NR6A1: variants seen among roughly 807,000 people sequenced by gnomAD.
NR6A1 encodes nuclear receptor subfamily 6 group A member 1, also known as retinoic acid receptor-related testis-associated receptor.
A neutral mutation model predicts 59.1 loss-of-function variants in NR6A1; 7 were observed. The ratio of observed to expected loss-of-function variants is 0.12; its 90% CI spans 0.07 to 0.22. NR6A1 has a LOEUF of 0.22. Among genes scored for constraint, NR6A1 ranks in the 10% least tolerant of loss-of-function variants. The pLI is 1.00. For missense variants in NR6A1, 468 were observed against 611.6 expected (o/e 0.77, Z 2.48); for synonymous variants, 243 against 236.1 (o/e 1.03, Z -0.27).
chr9:124,534,859 A>G (rs904529366), intron 7 of NR6A1, among the ~76,000 whole-genome samples: 1 of 152,222 alleles, frequency 6.6e-6, no homozygotes, highest in Non-Finnish European at 1.5e-5. Flanking sequence ...GACCGGGCGC[A>G]GTGGCTCACG....
intron 2 of NR6A1, among the ~76,000 whole-genome samples, chr9:124,562,555 G>A (rs1160289936): frequency 3.9e-5 from 6 of 152,034 alleles, no homozygotes; most frequent in African/African-American, 9.6e-5. Flanking sequence ...CTCGCCTCCC[G>A]AGTAGCTGGG....
At chr9:124,593,339 G>GT (rs1213330797) in intron 2 of NR6A1, among the ~76,000 whole-genome samples, 1 of 151,996 alleles carries the variant, frequency 6.6e-6, no homozygotes, top group Admixed American at 6.6e-5. Flanking sequence ...CCAAATCTTA[G>GT]TTTTTTCATT....
intron 2 of NR6A1, among the ~76,000 whole-genome samples, chr9:124,713,997 T>G (rs1839351253): frequency 6.6e-6 from 1 of 152,166 alleles, no homozygotes; most frequent in African/African-American, 2.4e-5. Context: ...AACCCAAGTG[T>G]CCATCAATAG....
chr9:124,609,495 T>C (rs1294692357), intron 2 of NR6A1, among the ~76,000 whole-genome samples: 2 of 152,244 alleles, frequency 1.3e-5, no homozygotes, highest in Non-Finnish European at 2.9e-5. Context: ...AGTACCATGC[T>C]GTTTTGCTTA....
chr9:124,586,712 G>C (rs1240684959), intron 2 of NR6A1, among the ~76,000 whole-genome samples: 1 of 152,134 alleles, frequency 6.6e-6, no homozygotes, highest in Non-Finnish European at 1.5e-5. Context: ...GCCTCCCAAA[G>C]TGCTGGGATT....
At chr9:124,729,866 G>A (rs1364103344) in intron 2 of NR6A1, among the ~76,000 whole-genome samples, 1 of 150,056 alleles carries the variant, frequency 6.7e-6, no homozygotes, top group East Asian at 2.0e-4. Flanking sequence ...AGGCTGGAGT[G>A]CAATGGCACG....
At chr9:124,533,579 G>T (rs1440547058) in intron 7 of NR6A1, among the ~76,000 whole-genome samples, 1 of 152,182 alleles carries the variant, frequency 6.6e-6, no homozygotes, top group Non-Finnish European at 1.5e-5. Context: ...GTGGGAGGGG[G>T]AGATGGATCC....
chr9:124,706,142 T>C (rs1839127983), intron 2 of NR6A1, among the ~76,000 whole-genome samples: 1 of 152,198 alleles, frequency 6.6e-6, no homozygotes, highest in Admixed American at 6.5e-5. Flanking sequence ...CCTCACAACA[T>C]GCATCTTTAC....
intron 1 of NR6A1, among the ~76,000 whole-genome samples, chr9:124,764,605 A>G (rs993454779): frequency 2.1e-4 from 32 of 152,240 alleles, no homozygotes; most frequent in Non-Finnish European, 7.3e-5. Flanking sequence ...ATGAATCTTG[A>G]GTATATTTTT....
chr9:124,769,398 A>G (rs1365288340), intron 1 of NR6A1, among the ~76,000 whole-genome samples: 2 of 152,200 alleles, frequency 1.3e-5, no homozygotes, highest in East Asian at 3.8e-4. Context: ...ATGTTTGACT[A>G]GTTAATAAAC....
chr9:124,640,520 C>G (rs537492428), intron 2 of NR6A1, among the ~76,000 whole-genome samples: 2 of 152,064 alleles, frequency 1.3e-5, no homozygotes, highest in Non-Finnish European at 2.9e-5. Flanking sequence ...CTACCTCAGC[C>G]TCCCAAGTGG....
chr9:124,763,932 C>T (rs1341455706), intron 1 of NR6A1, among the ~76,000 whole-genome samples: 1 of 151,926 alleles, frequency 6.6e-6, no homozygotes, highest in Non-Finnish European at 1.5e-5. Flanking sequence ...GTCTGTAATC[C>T]CAGTACTTTG....
intron 2 of NR6A1, among the ~76,000 whole-genome samples, chr9:124,659,328 G>A (rs1200702893): frequency 1.3e-5 from 2 of 152,210 alleles, no homozygotes; most frequent in Non-Finnish European, 2.9e-5. Flanking sequence ...GTGCTCATGC[G>A]TGCGATCGTG....
At chr9:124,715,523 G>T (rs1839393096) in intron 2 of NR6A1, among the ~76,000 whole-genome samples, 1 of 151,994 alleles carries the variant, frequency 6.6e-6, no homozygotes, top group African/African-American at 2.4e-5. Flanking sequence ...GTAACAGAGT[G>T]AGACCTAGTC....
intron 2 of NR6A1, among the ~76,000 whole-genome samples, chr9:124,686,585 A>G (rs1397386191): frequency 6.6e-6 from 1 of 152,206 alleles, no homozygotes; most frequent in Non-Finnish European, 1.5e-5. Flanking sequence ...CTGATTTACC[A>G]TGAAAAAAAA....
intron 1 of NR6A1, among the ~76,000 whole-genome samples, chr9:124,768,674 T>A (rs1218012067): frequency 6.6e-6 from 1 of 152,220 alleles, no homozygotes; most frequent in Non-Finnish European, 1.5e-5. Flanking sequence ...TTTCAAATGG[T>A]TCTGACCAAT....
At chr9:124,629,180 G>A (rs1484353564) in intron 2 of NR6A1, among the ~76,000 whole-genome samples, 1 of 152,116 alleles carries the variant, frequency 6.6e-6, no homozygotes, top group Non-Finnish European at 1.5e-5. Context: ...TTCTACTGGT[G>A]TGCAGAGCCT....
At chr9:124,720,286 G>C (rs573898019) in intron 2 of NR6A1, among the ~76,000 whole-genome samples, 7 of 151,954 alleles carry the variant, frequency 4.6e-5, no homozygotes, top group African/African-American at 1.7e-4. Context: ...CCTGACCTCA[G>C]GTGATCCACC....
At chr9:124,757,612 G>A (rs1319000333) in intron 1 of NR6A1, among the ~76,000 whole-genome samples, 4 of 152,222 alleles carry the variant, frequency 2.6e-5, no homozygotes, top group African/African-American at 9.6e-5. Flanking sequence ...TTCTTAAGCA[G>A]CTCACATCTT....
Sources: gnomAD v4.1 joint callset for allele counts (sites outside exome capture counted in the v4.1 genomes callset) on GRCh38, gnomAD v4.1.1 for gene constraint, MANE v1.5 for transcripts, NCBI Gene and HGNC (gene_info 2026-07-23, HGNC 2026-07-21) for gene names.